The following SCGB2B2 variants were observed in gnomAD, a reference collection of about 807,000 sequenced individuals.
SCGB2B2 encodes the protein secretoglobin family 2B member 2.
Under a neutral mutation model 7.6 loss-of-function variants are expected in SCGB2B2, and 11 were observed. The ratio of observed to expected loss-of-function variants is 1.45; its 90% CI spans 0.91 to 2.40. SCGB2B2 has a LOEUF of 2.40. Ranked by LOEUF, SCGB2B2 falls within the 30% of genes most tolerant of loss-of-function variation. The pLI is 0.00. For synonymous variants in SCGB2B2, 50 were observed against 48.6 expected (o/e 1.03, Z -0.12); for missense variants, 104 against 115.4 (o/e 0.90, Z 0.45).
downstream of SCGB2B2, among the ~76,000 whole-genome samples, chr19:34,588,878 T>C (rs1414607901): frequency 1.2e-5 from 1 of 80,416 alleles, no homozygotes; most frequent in Non-Finnish European, 2.7e-5. Context: ...GAAGGTCAAG[T>C]GTTGGAACCA....
chr19:34,662,439 C>CT lies in SCGB2B2; in HGVS notation c.-2032+13190dup, dbSNP rs1490245089. On this transcript the variant is annotated intron_variant, in intron 1 of 3. Transcript: ENST00000601241. Reference sequence around the variant, plus strand: ...ATCTTTATGACCATGACATGAGAATCTTTTTTCCAAAGGAATAAAACCATA... The same window carrying CT: ...ATCTTTATGACCATGACATGAGAATCTTTTTTTCCAAAGGAATAAAACCATA... Among the ~76,000 whole-genome samples, 4 of 151,860 alleles carry CT rather than the reference C, an allele frequency of 2.6e-5. No individual in the cohort carries two copies. In the East Asian group the frequency reaches 7.8e-4, roughly 29 times the overall value.
At chr19:34,605,034 T>C (rs751602593) in intron 1 of SCGB2B2, among the ~76,000 whole-genome samples, 8 of 152,218 alleles carry the variant, frequency 5.3e-5, no homozygotes, top group Non-Finnish European at 1.2e-4. Flanking sequence ...CCTGCCTCTT[T>C]GTCCCCTTCC....
At chr19:34,603,260 C>T (rs1049562598) in intron 1 of SCGB2B2, among the ~76,000 whole-genome samples, 2 of 152,200 alleles carry the variant, frequency 1.3e-5, no homozygotes, top group African/African-American at 2.4e-5. Flanking sequence ...TAACATTTCA[C>T]ACCACCATTC....
rs1243786910 is a variant in SCGB2B2 at position 34,661,326 on chromosome 19, T to TA, written c.-2032+14303dup. On this transcript the variant is annotated intron_variant, in intron 1 of 3. Transcript: ENST00000601241. ...ACATTAAAAAAAAGAAATACATATG[T>TA]AAAAAATTATTGTGATAAAATAAGG... Among the ~76,000 whole-genome samples the TA allele has an allele frequency of 1.4e-4, 22 of 152,074 alleles. No homozygotes were observed. In the East Asian group the frequency reaches 4.1e-3, roughly 28 times the overall value.
At chr19:34,636,646 G>A (rs79545501) in intron 1 of SCGB2B2, among the ~76,000 whole-genome samples, 1 of 152,348 alleles carries the variant, frequency 6.6e-6, no homozygotes, top group Non-Finnish European at 1.5e-5. Context: ...TCAGAGAGGT[G>A]GGAGTCGGCC....
At chr19:34,652,651 T>C (rs1600065831) in intron 1 of SCGB2B2, among the ~76,000 whole-genome samples, 1 of 150,980 alleles carries the variant, frequency 6.6e-6, no homozygotes, top group East Asian at 1.9e-4. Context: ...CAAAACCACA[T>C]TCAGATATCA....
intron 1 of SCGB2B2, among the ~76,000 whole-genome samples, chr19:34,606,111 T>A (rs905134144): frequency 6.6e-6 from 1 of 151,490 alleles, no homozygotes; most frequent in African/African-American, 2.4e-5. Context: ...TTTTTTAAAA[T>A]TTTACCAACT....
At chr19:34,625,640 G>C (rs1374196980) in intron 1 of SCGB2B2, among the ~76,000 whole-genome samples, 1 of 152,220 alleles carries the variant, frequency 6.6e-6, no homozygotes, top group Non-Finnish European at 1.5e-5. Flanking sequence ...ACTGGGTGGA[G>C]CCCAACACAG....
At chr19:34,644,973 G>T (rs758349024) in intron 1 of SCGB2B2, among the ~76,000 whole-genome samples, 7 of 152,222 alleles carry the variant, frequency 4.6e-5, no homozygotes, top group Non-Finnish European at 8.8e-5. Flanking sequence ...CAGTTTCACA[G>T]ATGAGCAAGC....
chr19:34,641,772 C>T (rs187472933), intron 1 of SCGB2B2, among the ~76,000 whole-genome samples: 7 of 152,064 alleles, frequency 4.6e-5, no homozygotes, highest in Admixed American at 3.9e-4. Context: ...GAAACAAGGA[C>T]CAGTTAAGAG....
chr19:34,653,522 GAAGAA>G lies in SCGB2B2; in HGVS notation c.-2032+22103_-2032+22107del, dbSNP rs898090502. Among the ~76,000 whole-genome samples, 2 of 150,224 alleles carry G rather than the reference GAAGAA, an allele frequency of 1.3e-5. 1 individual carries two copies. Among genetic ancestry groups the G allele is most frequent in the African/African-American group, 5.0e-5 (2 of 40,120 alleles). Reference sequence around the variant, plus strand: ...ATTTAAAATAATAATAAAAGCAAAAGAAGAAAAGAAAAAAAGCTACAGTCTAATAT... The same window carrying G: ...ATTTAAAATAATAATAAAAGCAAAAGAAGAAAAAAAGCTACAGTCTAATAT... On this transcript the variant is annotated intron_variant, in intron 1 of 3. Coordinates refer to ENST00000601241, the MANE Select transcript of SCGB2B2 (RefSeq NM_001025591.4).
At chr19:34,586,079 T>C (rs1228491847), downstream of SCGB2B2, among the ~76,000 whole-genome samples, 1 of 152,216 alleles carries the variant, frequency 6.6e-6, no homozygotes, top group African/African-American at 2.4e-5. Flanking sequence ...ACTATCCTCC[T>C]AGCTTGATGG....
At chr19:34,625,032 T>G (rs892963211) in intron 1 of SCGB2B2, among the ~76,000 whole-genome samples, 1 of 152,248 alleles carries the variant, frequency 6.6e-6, no homozygotes, top group Admixed American at 6.5e-5. Flanking sequence ...GCACCAGTGT[T>G]GCATTCTTGT....
chr19:34,611,974 T>A (rs1450581447), intron 1 of SCGB2B2, among the ~76,000 whole-genome samples: 5 of 150,700 alleles, frequency 3.3e-5, no homozygotes, highest in Admixed American at 2.7e-4. Context: ...TCTTAATTTC[T>A]TTATTAACTC....
chr19:34,585,540 A>G, the SCGB2B2 span, among the ~76,000 whole-genome samples: 1 of 152,290 alleles, frequency 6.6e-6, no homozygotes, highest in African/African-American at 2.4e-5. Context: ...TGCAGTAAAG[A>G]AAGAGTTTAA....
rs901074322 is a variant in SCGB2B2 at position 34,655,473 on chromosome 19, GC to G, written c.-2032+20156del. On this transcript the variant is annotated intron_variant, in intron 1 of 3. Transcript: ENST00000601241. Reference sequence around the variant, plus strand: ...TTTTAAAACTACCTAAGACCTGGATGCCCCCCCAACCCCACTTCAAGTTGTC... The same window carrying G: ...TTTTAAAACTACCTAAGACCTGGATGCCCCCCAACCCCACTTCAAGTTGTC... Among the ~76,000 whole-genome samples, 4 of 150,962 alleles carry G rather than the reference GC, an allele frequency of 2.6e-5. No homozygotes were observed. The South Asian group carries it at 6.2e-4, about 24-fold the overall frequency.
At chr19:34,660,329 T>A (rs910752993) in intron 1 of SCGB2B2, among the ~76,000 whole-genome samples, 3 of 152,044 alleles carry the variant, frequency 2.0e-5, no homozygotes, top group Non-Finnish European at 4.4e-5. Flanking sequence ...AAAGAAACTA[T>A]CATCAGAGTG....
At chr19:34,656,181 C>A in intron 1 of SCGB2B2, among the ~76,000 whole-genome samples, 1 of 151,224 alleles carries the variant, frequency 6.6e-6, no homozygotes, top group Non-Finnish European at 1.5e-5. Flanking sequence ...CAGCAACGCA[C>A]GGTAGGTTTC....
At chr19:34,665,593 G>A (rs1348261015) in intron 1 of SCGB2B2, among the ~76,000 whole-genome samples, 3 of 140,026 alleles carry the variant, frequency 2.1e-5, no homozygotes, top group Non-Finnish European at 3.3e-5. Flanking sequence ...AACCTGCAGT[G>A]TGGTGGGTGG....
Sources: gnomAD v4.1 joint callset for allele counts (sites outside exome capture counted in the v4.1 genomes callset) on GRCh38, gnomAD v4.1.1 for gene constraint, MANE v1.5 for transcripts, NCBI Gene and HGNC (gene_info 2026-07-23, HGNC 2026-07-21) for gene names.